Variants in MYCBP2 observed in about 807,000 individuals in gnomAD.
MYCBP2 encodes MYC binding protein 2, also known as E3 ubiquitin-protein ligase MYCBP2.
MYCBP2 carries 120 observed loss-of-function variants against 525.3 expected under a neutral mutation model. The observed-to-expected ratio is 0.23, with a 90% CI of 0.20 to 0.27. MYCBP2 has a LOEUF of 0.27. MYCBP2 is among the 10% of genes least tolerant of loss of function. The probability of loss-of-function intolerance (pLI) is 1.00; values close to 1 mark genes in which losing one functional copy is unlikely to be tolerated. For missense variants in MYCBP2, 4,149 were observed against 5,657.1 expected (o/e 0.73, Z 8.55); for synonymous variants, 1,894 against 1,955.8 (o/e 0.97, Z 0.83).
intron 38 of MYCBP2, 38 bp from the exon 39 acceptor site, chr13:77,169,752 GA>G (rs757487700): frequency 5.6e-5 from 86 of 1,524,826 alleles, no homozygotes; most frequent in Non-Finnish European, 3.7e-5. Context: ...ACTATAGTCA[GA>G]AGGTAATTTC....
intron 3 of MYCBP2, among the ~76,000 whole-genome samples, chr13:77,285,879 G>GAAAGC (rs2076693757): frequency 6.7e-6 from 1 of 149,554 alleles, no homozygotes; most frequent in African/African-American, 2.5e-5. Flanking sequence ...GAAAGGAAAG[G>GAAAGC]AAAGGAAAGG....
Position 77,097,822 on chromosome 13 carries a change from T to G in MYCBP2, c.9332A>C (p.Lys3111Thr). The G allele has an allele frequency of 6.2e-7, 1 of 1,613,764 alleles. No individual in the cohort carries two copies. The highest frequency in any genetic ancestry group is 8.5e-7 in the Non-Finnish European group (1 of 1,179,824). Reference protein sequence around the residue: ...NIAPHGPDISKMGSINKNKVL... With the variant: ...NIAPHGPDISTMGSINKNKVL... Reference sequence around the variant, plus strand: ...CTTGTTTTTGTTGATGCTACCCATCTTAGATATATCTGGTCCATGGGGTGC... The same window carrying G: ...CTTGTTTTTGTTGATGCTACCCATCGTAGATATATCTGGTCCATGGGGTGC... The change falls in exon 56 of 83, where the codon AAG (lysine) becomes ACG (threonine). Residue 3111 changes from lysine (K) to threonine (T), a missense_variant. Lys to Thr is a moderately conservative substitution (Grantham distance 78, BLOSUM62 -1). This residue lies in a region of MYCBP2 where 653 missense variants were observed against 744.7 expected (regional missense o/e 0.88). Transcript: ENST00000544440.
chr13:77,098,580 A>G lies in MYCBP2; in HGVS notation c.8574T>C (p.Val2858=). The change falls in exon 56 of 83, where the codon GTT becomes GTC. Residue 2858 remains valine, a synonymous_variant. Transcript: ENST00000544440. Reference sequence around the variant, plus strand: ...CCCGAGGAGGATCAAGCTTTGTCTTAACAGGAGCAGTACTTTTTTGAGGTA... The same window carrying G: ...CCCGAGGAGGATCAAGCTTTGTCTTGACAGGAGCAGTACTTTTTTGAGGTA... The part of the protein sequence containing the change: ...KNLPQKSTAP[V]KTKLDPPRER... 1 of 1,613,748 alleles carries G rather than the reference A, an allele frequency of 6.2e-7. No individual in the cohort carries two copies. Among genetic ancestry groups the G allele is most frequent in the Non-Finnish European group, 8.5e-7 (1 of 1,179,796 alleles).
rs149487974 is a variant in MYCBP2, at chr13:77,220,947, T to G, written c.2940-2990A>C. Among the ~76,000 whole-genome samples the G allele has an allele frequency of 6.4e-3, 978 of 152,274 alleles. 8 individuals carry two copies. The highest frequency in any genetic ancestry group is 0.022 in the African/African-American group (915 of 41,548). The stretch of plus-strand genomic sequence containing the variant: ...AATCAGTCTTTCAGTTACCACTCAA[T>G]GGAACAAGGACCAAAACATTCCATG... On this transcript the variant is annotated intron_variant, in intron 20 of 82. Transcript: ENST00000544440.
intron 56 of MYCBP2, among the ~76,000 whole-genome samples, chr13:77,096,808 A>C (rs1380714623): frequency 1.3e-5 from 2 of 152,154 alleles, no homozygotes; most frequent in African/African-American, 4.8e-5. Context: ...TAACAATGAT[A>C]TATTTTCAGA....
At chr13:77,117,005 T>C (rs950585967) in intron 55 of MYCBP2, among the ~76,000 whole-genome samples, 5 of 152,052 alleles carry the variant, frequency 3.3e-5, no homozygotes, top group African/African-American at 9.6e-5. Context: ...TTAAATTTTC[T>C]AGTATAAATT....
intron 79 of MYCBP2, among the ~76,000 whole-genome samples, chr13:77,056,099 G>GGGGGGTGTGT (rs536899192): frequency 8.3e-6 from 1 of 120,522 alleles, no homozygotes; most frequent in African/African-American, 3.3e-5. Context: ...CTCTGTGTTT[G>GGGGGGTGTGT]GTGTGTGTGT....
chr13:77,294,630 T>A (rs1035970102), intron 2 of MYCBP2, among the ~76,000 whole-genome samples: 2 of 152,116 alleles, frequency 1.3e-5, no homozygotes, highest in Non-Finnish European at 2.9e-5. Flanking sequence ...TTAAAAGATA[T>A]TCAAGATTCC....
chr13:77,122,712 CAAT>C (rs1356220016), intron 54 of MYCBP2, among the ~76,000 whole-genome samples: 1 of 145,778 alleles, frequency 6.9e-6, no homozygotes, highest in Non-Finnish European at 1.5e-5. Context: ...AAAAAAAAGT[CAAT>C]AGTCCTTTAA....
intron 8 of MYCBP2, among the ~76,000 whole-genome samples, chr13:77,266,676 G>T (rs2074126651): frequency 2.3e-5 from 3 of 128,232 alleles, no homozygotes; most frequent in Non-Finnish European, 1.6e-5. Context: ...GTTATTAAAA[G>T]TATTTTTTAA....
chr13:77,158,194 A>G, intron 44 of MYCBP2, 85 bp from the exon 45 acceptor site: 1 of 847,960 alleles, frequency 1.2e-6, no homozygotes. Context: ...ATACTTTCAG[A>G]TAGGCCTTTA....
At chr13:77,107,023 A>G (rs575311176) in intron 55 of MYCBP2, among the ~76,000 whole-genome samples, 1 of 152,264 alleles carries the variant, frequency 6.6e-6, no homozygotes, top group Non-Finnish European at 1.5e-5. Context: ...TTATGTATTT[A>G]TATATATTTC....
intron 31 of MYCBP2, among the ~76,000 whole-genome samples, 158 bp downstream of exon 31, chr13:77,185,713 C>T (rs1044702129): frequency 1.3e-5 from 2 of 152,110 alleles, no homozygotes; most frequent in African/African-American, 4.8e-5. Context: ...TCTTTATAAG[C>T]AAATACATAA....
intron 1 of MYCBP2, among the ~76,000 whole-genome samples, chr13:77,298,888 T>C (rs1594765226): frequency 6.6e-6 from 1 of 152,226 alleles, no homozygotes; most frequent in African/African-American, 2.4e-5. Context: ...TGTGAGGGCA[T>C]GATGAATGTC....
At chr13:77,321,267 T>C (rs1263820795) in intron 1 of MYCBP2, among the ~76,000 whole-genome samples, 1 of 152,222 alleles carries the variant, frequency 6.6e-6, no homozygotes. Flanking sequence ...TTTTCTTCTC[T>C]TGAGTTAGGA....
At chr13:77,069,003 A>T (rs1163856705) in intron 69 of MYCBP2, among the ~76,000 whole-genome samples, 172 bp from the exon 70 acceptor site, 3 of 152,224 alleles carry the variant, frequency 2.0e-5, no homozygotes. Context: ...CATCTAAGAA[A>T]CAAGTAAAGC....
At chr13:77,316,606 T>C (rs1474616242) in intron 1 of MYCBP2, among the ~76,000 whole-genome samples, 3 of 150,296 alleles carry the variant, frequency 2.0e-5, no homozygotes, top group East Asian at 1.9e-4. Context: ...TTCTGGTGAG[T>C]GTCATTTCCT....
chr13:77,246,490 A>G (rs1003386830), intron 15 of MYCBP2, among the ~76,000 whole-genome samples: 5 of 151,684 alleles, frequency 3.3e-5, no homozygotes, highest in Non-Finnish European at 7.4e-5. Flanking sequence ...AAAGAAGAAG[A>G]AGGAAGAAGG....
At chr13:77,199,619 C>A (rs1375652748) in intron 26 of MYCBP2, among the ~76,000 whole-genome samples, 1 of 152,204 alleles carries the variant, frequency 6.6e-6, no homozygotes. Flanking sequence ...ACAGCAGTAA[C>A]CTCTGCAGAC....
Sources: allele counts gnomAD v4.1 joint callset (sites outside exome capture counted in the v4.1 genomes callset), GRCh38; gene constraint gnomAD v4.1.1; regional missense constraint gnomAD v4.1.1; transcripts MANE v1.5; gene names NCBI Gene and HGNC (gene_info 2026-07-23, HGNC 2026-07-21).